The following ABCC1 variants were observed in gnomAD, a reference collection of about 807,000 sequenced individuals.
ABCC1 encodes the protein ATP binding cassette subfamily C member 1 (ABCC1 blood group), also known as multidrug resistance-associated protein 1.
In ABCC1, 83 loss-of-function variants were observed where a neutral mutation model predicts 172.9. That is an observed-to-expected ratio of 0.48 (90% CI 0.40 to 0.58). ABCC1 has a LOEUF of 0.58. ABCC1 is among the 20% of genes least tolerant of loss of function. ABCC1 has a pLI of 0.00. For missense variants in ABCC1, 1,817 were observed against 2,002.7 expected (o/e 0.91, Z 1.77); for synonymous variants, 937 against 825.2 (o/e 1.14, Z -2.32).
intron 22 of ABCC1, among the ~76,000 whole-genome samples, chr16:16,112,500 C>T (rs1173017045): frequency 6.6e-6 from 1 of 152,168 alleles, no homozygotes; most frequent in African/African-American, 2.4e-5. Flanking sequence ...TTGTTCTAAA[C>T]ACTTCCACGT....
intron 1 of ABCC1, among the ~76,000 whole-genome samples, chr16:16,005,683 G>A (rs534050073): frequency 4.6e-5 from 7 of 152,310 alleles, no homozygotes; most frequent in African/African-American, 1.2e-4. Context: ...GAGACCGGGC[G>A]TGGTGGCTCA....
rs74475935 is a variant in ABCC1 at position 15,961,249 on chromosome 16, C to G, written c.48+11450C>G. On this transcript the variant is annotated intron_variant, in intron 1 of 30. Coordinates refer to ENST00000399410, the MANE Select transcript of ABCC1 (RefSeq NM_004996.4). ...GTGATCAAGACCAACTTGGGTTTCC[C>G]CACTCCCCAGTTGCCTTTGATTCTC... 4.3e-3 allele frequency among the ~76,000 whole-genome samples: 657 copies of G among 152,226 alleles called. 6 individuals are homozygous for G. Among genetic ancestry groups the G allele is most frequent in the African/African-American group, 0.012 (507 of 41,536 alleles).
chr16:16,104,974 G>A lies in ABCC1; in HGVS notation c.2736-1764G>A, dbSNP rs913339922. On this transcript the variant is annotated intron_variant, in intron 20 of 30. Transcript: ENST00000399410. ...CCAGAACTAGCGCTGGCCCGCAAGC[G>A]CCCTGTGCAGCTCCGGTTCCCTCCC... Among the ~76,000 whole-genome samples, 29 of 152,000 alleles carry A rather than the reference G, an allele frequency of 1.9e-4. 1 individual carries two copies. In the Middle Eastern group the frequency reaches 0.014, roughly 71 times the overall value.
Position 16,009,863 on chromosome 16 carries a change from G to A in ABCC1, c.313G>A (p.Val105Met). 1.2e-6 allele frequency: 2 copies of A among 1,611,338 alleles called. No individual in the cohort carries two copies. The highest frequency in any genetic ancestry group is 1.7e-6 in the Non-Finnish European group (2 of 1,178,996). ...AAGTCGGGGCATATTCCTGGCCCCAGTGTTTCTGGTCAGCCCAACTCTCTT... is the reference window on the plus strand; with the variant it reads ...AAGTCGGGGCATATTCCTGGCCCCAATGTTTCTGGTCAGCCCAACTCTCTT... ...ERSRGIFLAP[V>M]FLVSPTLLGI... Residue 105 changes from valine (V) to methionine (M), a missense_variant, in exon 3 of 31, where the codon GTG (valine) becomes ATG (methionine). Val to Met is a conservative substitution (Grantham distance 21). Transcript: ENST00000399410.
intron 1 of ABCC1, among the ~76,000 whole-genome samples, chr16:15,954,006 C>CT (rs57768825): frequency 0.091 from 10,636 of 116,706 alleles, 1,021 homozygotes; most frequent in African/African-American, 0.14. Flanking sequence ...CCTCCCCACC[C>CT]TTTTTTTTTT....
chr16:16,133,737 T>C (rs543519078), intron 27 of ABCC1, among the ~76,000 whole-genome samples: 2 of 152,202 alleles, frequency 1.3e-5, no homozygotes, highest in East Asian at 3.9e-4. Context: ...TCTCACGTCA[T>C]GAGAATTTTT....
chr16:16,008,128 T>A, intron 2 of ABCC1, 136 bp downstream of exon 2: 1 of 935,818 alleles, frequency 1.1e-6, no homozygotes, highest in Non-Finnish European at 1.6e-6. Context: ...AAGAATAATG[T>A]GGGAGGTGAA....
chr16:16,141,174 G>T lies in ABCC1; in HGVS notation c.4489G>T (p.Val1497Leu). The change falls in exon 31 of 31, where the codon GTG becomes TTG. Residue 1497 changes from valine (V) to leucine (L), a missense_variant and splice_region_variant. Around this residue, in one of 3 missense-constraint regions of ABCC1, gnomAD observed 1,412 missense variants for 1,600.3 expected, o/e 0.88. Transcript: ENST00000399410. ...RLNTIMDYTR[V>L]IVLDKGEIQE... ...ATGTCTGTATCCCCTCTCCCTCAGG[G>T]TGATCGTCTTGGACAAAGGAGAAAT... 4 of 1,613,774 alleles carry T rather than the reference G, an allele frequency of 2.5e-6. No homozygotes were observed. The highest frequency in any genetic ancestry group is 3.4e-6 in the Non-Finnish European group (4 of 1,179,830).
intron 5 of ABCC1, among the ~76,000 whole-genome samples, chr16:16,032,163 G>A (rs2048582220): frequency 1.3e-5 from 2 of 151,998 alleles, no homozygotes; most frequent in Admixed American, 6.6e-5. Flanking sequence ...GCTAATTTTT[G>A]TATTTTTAGG....
chr16:16,011,233 AAAAAAG>A (rs2047769863), intron 3 of ABCC1, among the ~76,000 whole-genome samples: 2 of 62,336 alleles, frequency 3.2e-5, no homozygotes, highest in East Asian at 4.2e-4. Context: ...ACCTCATCTC[AAAAAAG>A]AAAAAGAAAA....
intron 5 of ABCC1, among the ~76,000 whole-genome samples, chr16:16,030,972 C>T (rs1040547892): frequency 2.0e-5 from 3 of 152,040 alleles, no homozygotes; most frequent in Middle Eastern, 3.2e-3. Flanking sequence ...CTCAGCCTCC[C>T]GAGTAGCTGA....
At chr16:16,108,888 G>A (rs2052263694) in intron 21 of ABCC1, among the ~76,000 whole-genome samples, 1 of 151,580 alleles carries the variant, frequency 6.6e-6, no homozygotes, top group African/African-American at 2.4e-5. Context: ...CACCACACCT[G>A]GCCACACACT....
intron 1 of ABCC1, among the ~76,000 whole-genome samples, chr16:15,986,651 G>A (rs894734771): frequency 2.0e-5 from 3 of 152,168 alleles, no homozygotes; most frequent in Non-Finnish European, 2.9e-5. Flanking sequence ...GTGCCAAAAA[G>A]CGTGGGGACC....
chr16:16,084,377 T>G (rs934838447), intron 17 of ABCC1, among the ~76,000 whole-genome samples: 1 of 150,344 alleles, frequency 6.7e-6, no homozygotes, highest in Non-Finnish European at 1.5e-5. Flanking sequence ...TTCTTTTTTT[T>G]TTTTGAAATG....
At chr16:16,077,621 C>T (rs2050630999) in intron 15 of ABCC1, among the ~76,000 whole-genome samples, 1 of 152,204 alleles carries the variant, frequency 6.6e-6, no homozygotes, top group Non-Finnish European at 1.5e-5. Context: ...CCCCATAATC[C>T]TTTCCCCTCC....
chr16:15,998,904 T>A (rs200354426), intron 1 of ABCC1, among the ~76,000 whole-genome samples: 2 of 152,214 alleles, frequency 1.3e-5, no homozygotes, highest in African/African-American at 4.8e-5. Flanking sequence ...TTATTGTCTC[T>A]AGACTGTATC....
intron 1 of ABCC1, among the ~76,000 whole-genome samples, chr16:16,000,810 TAAG>T (rs755080089): frequency 6.6e-6 from 1 of 152,064 alleles, no homozygotes; most frequent in African/African-American, 2.4e-5. Context: ...GGTGGACAAG[TAAG>T]AAGATCATTG....
rs777057408 is a variant in ABCC1, at chr16:16,036,472, G to C, written c.678G>C (p.Gly226=). The C allele has an allele frequency of 3.1e-6, 5 of 1,612,536 alleles. No individual in the cohort carries two copies. The highest frequency in any genetic ancestry group is 4.2e-6 in the Non-Finnish European group (5 of 1,179,286). The change falls in exon 7 of 31, where the codon GGG becomes GGC. Residue 226 remains glycine (G), a splice_region_variant and synonymous_variant. Transcript: ENST00000399410. ...TAACCCCCTTGTGTCTTGGCCCCAG[G>C]TTGATTGTCCGGGGCTACCGCCAGC... ...LSRITFWWIT[G]LIVRGYRQPL...
chr16:16,102,976 C>T (rs8053266), intron 20 of ABCC1, among the ~76,000 whole-genome samples: 3,695 of 152,310 alleles, frequency 0.024, 61 homozygotes, highest in Non-Finnish European at 0.035. Flanking sequence ...CACTCGGGCT[C>T]CCTACATGGT....
Sources: gnomAD v4.1 joint callset for allele counts (sites outside exome capture counted in the v4.1 genomes callset) on GRCh38, gnomAD v4.1.1 for gene constraint, gnomAD v4.1.1 regional missense constraint, MANE v1.5 for transcripts, NCBI Gene and HGNC (gene_info 2026-07-23, HGNC 2026-07-21) for gene names.